The following PCDHA5 variants were observed in gnomAD, a reference collection of about 807,000 sequenced individuals.
PCDHA5 encodes protocadherin alpha-5.
Under a neutral mutation model 61.6 loss-of-function variants are expected in PCDHA5, and 43 were observed. That is an observed-to-expected ratio of 0.70 (90% CI 0.55 to 0.90). The LOEUF (loss-of-function observed/expected upper bound fraction) is 0.90, where lower values mean the gene tolerates loss of function less well. PCDHA5 is among the 40% of genes least tolerant of loss of function. The pLI, the probability that PCDHA5 is intolerant of heterozygous loss-of-function variation, is 0.00. For missense variants in PCDHA5, 1,298 were observed against 1,222.7 expected (o/e 1.06, Z -0.92); for synonymous variants, 627 against 543.9 (o/e 1.15, Z -2.13).
At chr5:140,897,438 G>A (rs2066109195) in intron 1 of PCDHA5, among the ~76,000 whole-genome samples, 1 of 149,226 alleles carries the variant, frequency 6.7e-6, no homozygotes, top group African/African-American at 2.5e-5. Context: ...AACATGCAGT[G>A]TTTGGTTTTT....
At chr5:140,857,747 T>C (rs2150398019) in intron 1 of PCDHA5, 2 of 1,597,058 alleles carry the variant, frequency 1.3e-6, no homozygotes, top group South Asian at 1.1e-5. Context: ...GCTGCTGGCG[T>C]CTCCCGCTGG....
chr5:140,853,424 G>C lies in PCDHA5; in HGVS notation c.2352+29297G>C, dbSNP rs112620213. On this transcript the variant is annotated intron_variant, in intron 1 of 3. Transcript: ENST00000529859. ...AAAACAGAGAGGTGAAAGCAGAAGA[G>C]ACACTTTCCTATTTTGCCTAATAGG... 9 of 986,044 alleles carry C rather than the reference G, an allele frequency of 9.1e-6. 1 individual carries two copies. In the African/African-American group the frequency reaches 1.4e-4, roughly 15 times the overall value. 61.1% of individuals were successfully genotyped at this position (986,044 alleles called of 1,614,324 possible).
At chr5:140,943,376 C>G (rs2093486935) in intron 1 of PCDHA5, among the ~76,000 whole-genome samples, 1 of 150,084 alleles carries the variant, frequency 6.7e-6, no homozygotes, top group Non-Finnish European at 1.5e-5. Flanking sequence ...TTAAAATATA[C>G]AGGTAAGAAA....
At chr5:140,948,271 T>C (rs1295867135) in intron 1 of PCDHA5, among the ~76,000 whole-genome samples, 4 of 151,646 alleles carry the variant, frequency 2.6e-5, no homozygotes, top group Non-Finnish European at 5.9e-5. Flanking sequence ...TCATGTAGAA[T>C]ATCTGTAAAT....
At chr5:140,931,269 C>T (rs1253190149) in intron 1 of PCDHA5, among the ~76,000 whole-genome samples, 1 of 152,006 alleles carries the variant, frequency 6.6e-6, no homozygotes, top group Non-Finnish European at 1.5e-5. Context: ...CTATTTATTT[C>T]TTTTATTTTC....
chr5:140,878,348 T>G (rs55915538), intron 1 of PCDHA5, among the ~76,000 whole-genome samples: 4,312 of 152,298 alleles, frequency 0.028, 189 homozygotes, highest in African/African-American at 0.098. Flanking sequence ...ATCACAATAA[T>G]ATAAATGATA....
At chr5:140,877,108 G>C in intron 1 of PCDHA5, 1 of 1,613,542 alleles carries the variant, frequency 6.2e-7, no homozygotes. Context: ...GCCGCCTCTG[G>C]GCAGCAACGT....
chr5:140,921,268 C>G (rs2080134153), intron 1 of PCDHA5, among the ~76,000 whole-genome samples: 1 of 151,980 alleles, frequency 6.6e-6, no homozygotes, highest in Non-Finnish European at 1.5e-5. Context: ...GACTTTTATA[C>G]TTACTTGAAA....
intron 1 of PCDHA5, chr5:140,835,965 C>G (rs1422136448): frequency 1.2e-6 from 2 of 1,613,074 alleles, no homozygotes; most frequent in African/African-American, 1.3e-5. Flanking sequence ...CCACGAGGAG[C>G]TGGAGCTGTT....
At chr5:140,884,205 G>T (rs1554181325) in intron 1 of PCDHA5, 3 of 1,613,490 alleles carry the variant, frequency 1.9e-6, no homozygotes, top group East Asian at 4.5e-5. Context: ...CCGCACCACC[G>T]CCTTCTGGTG....
rs543488933 is a variant in PCDHA5, at chr5:140,915,492, A to G, written c.2353-63457A>G. The stretch of plus-strand genomic sequence containing the variant: ...TGAAGGAGCTTGGGCCTCAATCCCA[A>G]TAATACTGTGGTTTTTGCAGACTAG... On this transcript the variant is annotated intron_variant, in intron 1 of 3. Coordinates refer to ENST00000529859, the MANE Select transcript of PCDHA5 (RefSeq NM_018908.3). 2.0e-5 allele frequency among the ~76,000 whole-genome samples: 3 copies of G among 152,232 alleles called. No homozygotes were observed. The South Asian group carries it at 6.2e-4, about 32-fold the overall frequency.
chr5:140,931,914 A>G (rs1374173998), intron 1 of PCDHA5, among the ~76,000 whole-genome samples: 2 of 151,960 alleles, frequency 1.3e-5, no homozygotes, highest in Non-Finnish European at 2.9e-5. Context: ...AAAGCATGAC[A>G]TTTAACAATG....
At chr5:140,845,287 C>A (rs918574993) in intron 1 of PCDHA5, among the ~76,000 whole-genome samples, 1 of 149,322 alleles carries the variant, frequency 6.7e-6, no homozygotes, top group Non-Finnish European at 1.5e-5. Flanking sequence ...TATTTCCTAT[C>A]CTGTCTATGT....
At chr5:140,915,531 T>C (rs1258680816) in intron 1 of PCDHA5, among the ~76,000 whole-genome samples, 1 of 152,150 alleles carries the variant, frequency 6.6e-6, no homozygotes, top group Non-Finnish European at 1.5e-5. Context: ...AGGTACCATC[T>C]TGGAGGTCTT....
intron 1 of PCDHA5, chr5:140,850,234 TGGTGCTGCGGTC>T (rs1344981647): frequency 6.3e-7 from 1 of 1,593,808 alleles, no homozygotes; most frequent in East Asian, 2.2e-5. Flanking sequence ...GTGAGCGAGA[TGGTGCTGCGGTC>T]GGTGGGCGCC....
At chr5:140,827,465 T>C (rs2150147677) in intron 1 of PCDHA5, among the ~76,000 whole-genome samples, 16 of 152,372 alleles carry the variant, frequency 1.1e-4, no homozygotes, top group Admixed American at 2.6e-4. Context: ...GAGCATCTGA[T>C]ATTTATTGAA....
At chr5:140,985,127 C>T (rs986497777) in intron 3 of PCDHA5, among the ~76,000 whole-genome samples, 7 of 152,152 alleles carry the variant, frequency 4.6e-5, no homozygotes, top group Non-Finnish European at 1.0e-4. Flanking sequence ...TTAGTAAAGA[C>T]GGGGTTTCAC....
intron 1 of PCDHA5, among the ~76,000 whole-genome samples, chr5:140,826,033 A>G (rs1314307511): frequency 6.6e-6 from 1 of 152,110 alleles, no homozygotes; most frequent in Non-Finnish European, 1.5e-5. Context: ...TGAATTCCCT[A>G]TTTCTGTTGC....
At chr5:140,852,973 T>G (rs2150526500) in intron 1 of PCDHA5, 26 of 368,004 alleles carry the variant, frequency 7.1e-5, no homozygotes, top group Non-Finnish European at 9.8e-5. Flanking sequence ...CCCCCTCCCG[T>G]GTTCACGCCA....
Sources: allele counts gnomAD v4.1 joint callset (sites outside exome capture counted in the v4.1 genomes callset), GRCh38; gene constraint gnomAD v4.1.1; transcripts MANE v1.5; gene names NCBI Gene and HGNC (gene_info 2026-07-23, HGNC 2026-07-21).